TAGLN3: variants seen among roughly 807,000 people sequenced by gnomAD.
The protein encoded by TAGLN3 is transgelin-3.
In TAGLN3, 12 loss-of-function variants were observed where a neutral mutation model predicts 25.4. That is an observed-to-expected ratio of 0.47 (90% CI 0.30 to 0.77). The LOEUF is 0.77. TAGLN3 is among the 30% of genes least tolerant of loss of function. The pLI, the probability that TAGLN3 is intolerant of heterozygous loss-of-function variation, is 0.06. For missense variants in TAGLN3, 218 were observed against 255.8 expected, an observed-to-expected ratio of 0.85 and a Z score of 1.01; for synonymous variants, 96 against 94.8, an observed-to-expected ratio of 1.01 and a Z score of -0.08.
intron 3 of TAGLN3, among the ~76,000 whole-genome samples, chr3:112,010,808 T>A (rs2072968178): frequency 6.6e-6 from 1 of 152,218 alleles, no homozygotes; most frequent in Non-Finnish European, 1.5e-5. Context: ...GATCCTGAGC[T>A]GGACTTCCTC....
At chr3:112,005,888 G>C (rs921021880) in intron 3 of TAGLN3, among the ~76,000 whole-genome samples, 7 of 151,200 alleles carry the variant, frequency 4.6e-5, no homozygotes, top group Non-Finnish European at 1.0e-4. Flanking sequence ...ATTTTTAGTA[G>C]AGAAGAGGTT....
At position 112,011,609 on chromosome 3, in the gene TAGLN3, G is replaced by A. The variant is rs142326893; in HGVS notation, c.356-154G>A. Among the ~76,000 whole-genome samples the A allele has an allele frequency of 5.9e-3, 903 of 152,220 alleles. 9 individuals are homozygous for A. The highest frequency in any genetic ancestry group is 0.021 in the African/African-American group (857 of 41,510). On this transcript the variant is annotated intron_variant, in intron 3 of 4. Transcript: ENST00000478951. ...AGAAGTTTGGGTATGGTTGTCTTAG[G>A]GCCACTTTGGGAGGTGTTTGATAGC...
Position 112,000,949 on chromosome 3 carries a change from A to T in TAGLN3, c.355+3A>T. 1 of 1,613,396 alleles carries T rather than the reference A, an allele frequency of 6.2e-7. No individual in the cohort carries two copies. Among genetic ancestry groups the T allele is most frequent in the Non-Finnish European group, 8.5e-7 (1 of 1,179,748 alleles). On this transcript the variant is annotated splice_donor_region_variant and intron_variant, in intron 3 of 4. Coordinates refer to ENST00000478951, the MANE Select transcript of TAGLN3 (RefSeq NM_001008272.2). The stretch of plus-strand genomic sequence containing the variant: ...TCAGACGGTGGATCTATGGGAAGGT[A>T]AACAGCCCCCTGGCCTTTGGGATTG...
rs138342115 is a variant in TAGLN3, at chr3:112,003,498, G to A, written c.355+2552G>A. 2.0e-5 allele frequency among the ~76,000 whole-genome samples: 3 copies of A among 152,262 alleles called. No individual in the cohort carries two copies. The East Asian group carries it at 5.8e-4, about 29-fold the overall frequency. On this transcript the variant is annotated intron_variant, in intron 3 of 4. Transcript: ENST00000478951. ...AGCTGAAATCAAAGGAATGCTGCGGGGCAGGGTTGGCACGTGTTATGTGTC... is the reference window on the plus strand; with the variant it reads ...AGCTGAAATCAAAGGAATGCTGCGGAGCAGGGTTGGCACGTGTTATGTGTC...
At chr3:112,006,406 C>T (rs1222388804) in intron 3 of TAGLN3, among the ~76,000 whole-genome samples, 1 of 152,126 alleles carries the variant, frequency 6.6e-6, no homozygotes, top group East Asian at 1.9e-4. Flanking sequence ...CCAACCTCAC[C>T]CCTGATATTT....
In TAGLN3 at chr3:112,013,715, G is replaced by A. The variant is rs2073004098; in HGVS notation, c.*164G>A. On this transcript the variant is annotated 3_prime_UTR_variant, in exon 5 of 5. Transcript: ENST00000478951. ...CCGCCGAGAATCCGCGTTGCCTACTGCTGCCACCTCCTGTTCATTTAGAAC... is the reference window on the plus strand; with the variant it reads ...CCGCCGAGAATCCGCGTTGCCTACTACTGCCACCTCCTGTTCATTTAGAAC... The A allele has an allele frequency of 1.0e-6, 1 of 979,616 alleles. No individual in the cohort carries two copies. The highest frequency in any genetic ancestry group is 2.0e-5 in the Admixed American group (1 of 50,026). The allele number at this position is 979,616 out of a possible 1,614,324, so 60.7% of individuals were successfully genotyped here.
chr3:111,999,216 G>T, intron 1 of TAGLN3, 102 bp downstream of exon 1: 1 of 544,142 alleles, frequency 1.8e-6, no homozygotes, highest in Admixed American at 3.2e-5. Context: ...AGTTACTGGC[G>T]GGTAGCTGTG....
intron 3 of TAGLN3, 137 bp downstream of exon 3, chr3:112,001,083 G>C (rs890835896): frequency 1.3e-6 from 1 of 742,344 alleles, no homozygotes; most frequent in Non-Finnish European, 2.2e-6. Flanking sequence ...CCTGGGGGCA[G>C]TGTTTGCCTT....
At chr3:111,999,294 G>C (rs879688626) in intron 1 of TAGLN3, 127 bp from the exon 2 acceptor site, 82 of 1,090,632 alleles carry the variant, frequency 7.5e-5, no homozygotes, top group Admixed American at 1.4e-4. Flanking sequence ...ACCACGCCCG[G>C]CTTTCTGCCC....
At chr3:112,002,832 A>G (rs1472002967) in intron 3 of TAGLN3, among the ~76,000 whole-genome samples, 1 of 152,186 alleles carries the variant, frequency 6.6e-6, no homozygotes, top group Non-Finnish European at 1.5e-5. Flanking sequence ...GCAAGTGTGG[A>G]GGAGTGTAGG....
intron 4 of TAGLN3, among the ~76,000 whole-genome samples, chr3:112,012,439 C>T (rs912690404): frequency 5.3e-5 from 8 of 151,890 alleles, no homozygotes; most frequent in African/African-American, 9.7e-5. Flanking sequence ...CGTCCTAGTC[C>T]GGATGACAAA....
chr3:112,000,639 C>A (rs941157336), intron 2 of TAGLN3, 133 bp from the exon 3 acceptor site: 8 of 941,380 alleles, frequency 8.5e-6, no homozygotes, highest in Non-Finnish European at 1.3e-5. Context: ...AGAGCCCGTG[C>A]CTTCCTAGGG....
At chr3:112,010,043 G>A (rs1559943922) in intron 3 of TAGLN3, among the ~76,000 whole-genome samples, 1 of 151,628 alleles carries the variant, frequency 6.6e-6, no homozygotes, top group Non-Finnish European at 1.5e-5. Context: ...GTGTTATATA[G>A]ACTACTACAT....
intron 3 of TAGLN3, among the ~76,000 whole-genome samples, chr3:112,002,520 T>G (rs890461689): frequency 6.6e-6 from 1 of 151,994 alleles, no homozygotes; most frequent in African/African-American, 2.4e-5. Flanking sequence ...TGAATCATAA[T>G]GGTGACTAGG....
chr3:112,008,465 C>A (rs1013264765), intron 3 of TAGLN3, among the ~76,000 whole-genome samples: 1 of 152,166 alleles, frequency 6.6e-6, no homozygotes, highest in Non-Finnish European at 1.5e-5. Flanking sequence ...CCGTTGTGAG[C>A]CACTGTGCCC....
chr3:112,006,382 T>C (rs2072917923), intron 3 of TAGLN3, among the ~76,000 whole-genome samples: 1 of 152,154 alleles, frequency 6.6e-6, no homozygotes, highest in Admixed American at 6.5e-5. Context: ...ATTTACAAAA[T>C]CCACAGAGCA....
chr3:112,007,562 C>T (rs2072931505), intron 3 of TAGLN3, among the ~76,000 whole-genome samples: 1 of 152,182 alleles, frequency 6.6e-6, no homozygotes, highest in South Asian at 2.1e-4. Context: ...GCTATCCCTC[C>T]ATCCAGAAAA....
chr3:112,002,474 G>A (rs761601972), intron 3 of TAGLN3, among the ~76,000 whole-genome samples: 3 of 152,226 alleles, frequency 2.0e-5, no homozygotes, highest in African/African-American at 7.2e-5. Context: ...GAGCCAGGAG[G>A]CTTAGTTTCC....
At position 112,011,857 on chromosome 3, in the gene TAGLN3, G is replaced by T; in HGVS notation, c.450G>T (p.Trp150Cys). Residue 150 changes from tryptophan to cysteine, a missense_variant, in exon 4 of 5, where the codon TGG (tryptophan) becomes TGT (cysteine). Transcript: ENST00000478951. ...GCTGCTATCGGGGAGAGCCATCCTG[G>T]TTTCACAGGTAAAAGCCTCTTCCTT... Reference protein sequence around the residue: ...DDGCYRGEPSWFHRKAQQNRR... With the variant: ...DDGCYRGEPSCFHRKAQQNRR... 1 of 1,613,752 alleles carries T rather than the reference G, an allele frequency of 6.2e-7. No individual in the cohort carries two copies. Among genetic ancestry groups the T allele is most frequent in the Non-Finnish European group, 8.5e-7 (1 of 1,179,808 alleles).
Sources: allele counts gnomAD v4.1 joint callset (sites outside exome capture counted in the v4.1 genomes callset), GRCh38; gene constraint gnomAD v4.1.1; transcripts MANE v1.5; gene names NCBI Gene and HGNC (gene_info 2026-07-23, HGNC 2026-07-21).